Variants in PCDH15 observed in about 807,000 individuals in gnomAD.
PCDH15 encodes the protein protocadherin-15.
PCDH15 carries 129 observed loss-of-function variants against 178.5 expected under a neutral mutation model. That is an observed-to-expected ratio of 0.72 (90% CI 0.63 to 0.84). The LOEUF is 0.84. PCDH15 is among the 40% of genes least tolerant of loss of function. The probability of loss-of-function intolerance (pLI) is 0.00; values close to 1 mark genes in which losing one functional copy is unlikely to be tolerated. For missense variants in PCDH15, 2,230 were observed against 2,099.9 expected (o/e 1.06, Z -1.21); for synonymous variants, 800 against 732.0 (o/e 1.09, Z -1.50).
chr10:54,557,667 G>A (rs530597170), intron 2 of PCDH15, among the ~76,000 whole-genome samples: 2 of 152,212 alleles, frequency 1.3e-5, no homozygotes, highest in African/African-American at 2.4e-5. Context: ...ATAGCAGTAC[G>A]AGAAATAATA....
intron 3 of PCDH15, among the ~76,000 whole-genome samples, chr10:54,455,398 G>A (rs1247855934): frequency 6.6e-6 from 1 of 152,136 alleles, no homozygotes; most frequent in Non-Finnish European, 1.5e-5. Flanking sequence ...GAGATGTGTT[G>A]AACGGTTTTG....
intron 2 of PCDH15, among the ~76,000 whole-genome samples, chr10:55,623,130 A>C (rs528757903): frequency 2.0e-5 from 3 of 152,012 alleles, no homozygotes; most frequent in Admixed American, 1.3e-4. Context: ...TTTTAACGTT[A>C]ATGTCCTATT....
chr10:53,808,915 G>C lies in PCDH15; in HGVS notation c.4671+1641C>G. 1.9e-6 allele frequency: 3 copies of C among 1,574,550 alleles called. 1 individual carries two copies. Among genetic ancestry groups the C allele is most frequent in the Non-Finnish European group, 2.6e-6 (3 of 1,159,714 alleles). On this transcript the variant is annotated intron_variant, in intron 37 of 37. Transcript: ENST00000644397. ...CTCTTCAGGGATATCTTGAGCTTCA[G>C]GGTCTGTACTTTCTTCCACAGGGGC...
chr10:55,512,183 G>A lies in PCDH15; in HGVS notation c.-156+115442C>T, dbSNP rs150371935. ...ATGGTGTTTATGAGAATACTGACTC[G>A]TGGAAATTTAAATAATGTCTTGCTA... On this transcript the variant is annotated intron_variant, in intron 2 of 5. Transcript: ENST00000613346. 2.5e-3 allele frequency among the ~76,000 whole-genome samples: 386 copies of A among 152,102 alleles called. 1 individual carries two copies. The highest frequency in any genetic ancestry group is 8.7e-3 in the African/African-American group (360 of 41,530).
intron 1 of PCDH15, among the ~76,000 whole-genome samples, chr10:55,261,583 A>C (rs768572938): frequency 4.6e-5 from 7 of 152,192 alleles, no homozygotes; most frequent in Non-Finnish European, 8.8e-5. Flanking sequence ...ACTATTAAAC[A>C]AATACATCCA....
intron 1 of PCDH15, among the ~76,000 whole-genome samples, chr10:54,712,561 G>A (rs2095437346): frequency 6.6e-6 from 1 of 151,950 alleles, no homozygotes; most frequent in Non-Finnish European, 1.5e-5. Flanking sequence ...AGATGTCAAT[G>A]CAAATAATGG....
intron 3 of PCDH15, among the ~76,000 whole-genome samples, chr10:54,493,882 T>C (rs1014033472): frequency 6.6e-6 from 1 of 152,056 alleles, no homozygotes; most frequent in Non-Finnish European, 1.5e-5. Context: ...GTGGCACATA[T>C]ACACCATGGA....
At chr10:54,751,614 A>C (rs1304880843) in intron 1 of PCDH15, among the ~76,000 whole-genome samples, 1 of 152,190 alleles carries the variant, frequency 6.6e-6, no homozygotes, top group East Asian at 1.9e-4. Flanking sequence ...TGTCTAGCCA[A>C]TTTACTATCT....
At chr10:54,771,667 CCAAG>C (rs774109925) in intron 1 of PCDH15, among the ~76,000 whole-genome samples, 127 of 152,006 alleles carry the variant, frequency 8.4e-4, no homozygotes, top group Non-Finnish European at 4.0e-4. Context: ...AAAAAAAACA[CCAAG>C]CAAACAGACA....
chr10:54,881,160 T>C (rs1020027592), intron 3 of PCDH15, among the ~76,000 whole-genome samples: 3 of 152,022 alleles, frequency 2.0e-5, no homozygotes, highest in African/African-American at 7.2e-5. Flanking sequence ...GCTTTGATAC[T>C]TTTGGTTTTT....
intron 1 of PCDH15, among the ~76,000 whole-genome samples, chr10:55,204,666 G>C (rs1300138763): frequency 6.6e-6 from 1 of 152,044 alleles, no homozygotes; most frequent in Admixed American, 6.5e-5. Flanking sequence ...AGAAAATTGA[G>C]TCAGGAATGC....
At chr10:54,863,370 G>A (rs942935082) in intron 3 of PCDH15, among the ~76,000 whole-genome samples, 3 of 152,022 alleles carry the variant, frequency 2.0e-5, no homozygotes, top group South Asian at 2.1e-4. Context: ...GTGAAACCCC[G>A]TCTCTACTAA....
chr10:55,104,314 G>A (rs1358494275), intron 2 of PCDH15, among the ~76,000 whole-genome samples: 2 of 151,698 alleles, frequency 1.3e-5, no homozygotes, highest in African/African-American at 2.4e-5. Flanking sequence ...CGTCTTGATC[G>A]GCAGAAGCTG....
At chr10:54,222,496 G>C (rs1433922821) in intron 9 of PCDH15, among the ~76,000 whole-genome samples, 1 of 152,136 alleles carries the variant, frequency 6.6e-6, no homozygotes, top group African/African-American at 2.4e-5. Flanking sequence ...CCTCCAAGTT[G>C]CTGTGTATCA....
chr10:55,463,897 GAGAGAA>G lies in PCDH15; in HGVS notation c.-156+163722_-156+163727del, dbSNP rs1565165101. 3.2e-5 allele frequency among the ~76,000 whole-genome samples: 4 copies of G among 123,660 alleles called. 2 individuals carry two copies. Among genetic ancestry groups the G allele is most frequent in the Non-Finnish European group, 6.5e-5 (4 of 61,394 alleles). 81.1% of individuals were successfully genotyped at this position (123,660 alleles called of 152,430 possible). ...AGAGAGAGAGAAAGAGAGGGAGAGA[GAGAGAA>G]AGAAAGAAAGAAAGAAAGAAAGAAA... On this transcript the variant is annotated intron_variant, in intron 2 of 5. Coordinates refer to the PCDH15 transcript ENST00000613346.
intron 10 of PCDH15, among the ~76,000 whole-genome samples, chr10:54,199,416 C>T (rs1298489075): frequency 2.0e-5 from 3 of 151,968 alleles, no homozygotes; most frequent in Admixed American, 6.6e-5. Context: ...AGAGGCTACA[C>T]AGGAAGATTC....
intron 1 of PCDH15, among the ~76,000 whole-genome samples, chr10:54,678,554 CAA>C (rs1171477204): frequency 4.0e-5 from 6 of 151,892 alleles, no homozygotes; most frequent in African/African-American, 1.5e-4. Context: ...TAAATTCAAA[CAA>C]ATTTTAAAAA....
chr10:54,846,865 G>A (rs751470637), intron 3 of PCDH15, among the ~76,000 whole-genome samples: 9 of 152,130 alleles, frequency 5.9e-5, no homozygotes, highest in South Asian at 2.1e-4. Flanking sequence ...AAAACTAAGA[G>A]ATAGCAGAAT....
At chr10:55,312,909 G>A (rs763742324) in intron 1 of PCDH15, among the ~76,000 whole-genome samples, 38 of 152,114 alleles carry the variant, frequency 2.5e-4, no homozygotes, top group Admixed American at 9.2e-4. Flanking sequence ...AAGCCACTGC[G>A]CCCTGCCAGG....
Sources: gnomAD v4.1 joint callset for allele counts (sites outside exome capture counted in the v4.1 genomes callset) on GRCh38, gnomAD v4.1.1 for gene constraint, MANE v1.5 for transcripts, NCBI Gene and HGNC (gene_info 2026-07-23, HGNC 2026-07-21) for gene names.